The following VPS8 variants were observed in gnomAD, a reference collection of about 807,000 sequenced individuals.
VPS8 encodes vacuolar protein sorting-associated protein 8 homolog.
In VPS8, 129 loss-of-function variants were observed where a neutral mutation model predicts 216.4. The ratio of observed to expected loss-of-function variants is 0.60; its 90% confidence interval spans 0.52 to 0.69. VPS8 has a LOEUF of 0.69. Among genes scored for constraint, VPS8 ranks in the 30% least tolerant of loss-of-function variants. The pLI, the probability that VPS8 is intolerant of heterozygous loss-of-function variation, is 0.00. For missense variants in VPS8, 1,531 were observed against 1,683.5 expected, an observed-to-expected ratio of 0.91 and a Z score of 1.59; for synonymous variants, 571 against 565.4, an observed-to-expected ratio of 1.01 and a Z score of -0.14.
chr3:185,003,848 G>C (rs1205317160), intron 45 of VPS8, among the ~76,000 whole-genome samples: 2 of 151,666 alleles, frequency 1.3e-5, no homozygotes, highest in Non-Finnish European at 2.9e-5. Context: ...CAGACGGGGC[G>C]GCCGGGCAGA....
At chr3:184,882,359 TG>T in intron 21 of VPS8, 1 of 454,812 alleles carries the variant, frequency 2.2e-6, no homozygotes, top group Non-Finnish European at 4.4e-6. Context: ...GCTATTGGCA[TG>T]GCATATCGTA....
intron 22 of VPS8, among the ~76,000 whole-genome samples, chr3:184,892,932 G>A (rs1732645234): frequency 6.6e-6 from 1 of 152,028 alleles, no homozygotes; most frequent in Admixed American, 6.6e-5. Flanking sequence ...TGAATCATTG[G>A]TTATCTTGTT....
intron 46 of VPS8, among the ~76,000 whole-genome samples, chr3:185,026,807 C>G (rs1757433600): frequency 6.8e-6 from 1 of 147,716 alleles, no homozygotes; most frequent in Non-Finnish European, 1.5e-5. Context: ...CTCCTGGGTT[C>G]AAGCGATTCT....
chr3:184,974,121 C>A (rs1398290013), intron 40 of VPS8, among the ~76,000 whole-genome samples: 6 of 152,032 alleles, frequency 3.9e-5, no homozygotes, highest in Non-Finnish European at 8.8e-5. Flanking sequence ...TTCAGGAACC[C>A]CCATACTGTT....
intron 46 of VPS8, among the ~76,000 whole-genome samples, chr3:185,037,754 T>C (rs1243553979): frequency 6.6e-6 from 1 of 152,224 alleles, no homozygotes; most frequent in East Asian, 1.9e-4. Context: ...GCCTGTCTTG[T>C]GAATTTGTTT....
chr3:184,853,721 C>G (rs1386120721), intron 11 of VPS8, 136 bp from the exon 12 acceptor site: 7 of 817,230 alleles, frequency 8.6e-6, no homozygotes, highest in African/African-American at 1.7e-5. Flanking sequence ...AAAGACCATG[C>G]TGCTGTCCTG....
At chr3:184,848,966 G>A (rs375334802) in intron 8 of VPS8, 105 bp from the exon 9 acceptor site, 19 of 1,244,772 alleles carry the variant, frequency 1.5e-5, no homozygotes, top group East Asian at 1.5e-4. Context: ...ATTATCTGCT[G>A]CTTTTGATTC....
At chr3:184,830,544 A>G (rs1719770845) in intron 3 of VPS8, among the ~76,000 whole-genome samples, 1 of 152,078 alleles carries the variant, frequency 6.6e-6, no homozygotes, top group Non-Finnish European at 1.5e-5. Flanking sequence ...GATAATTGAT[A>G]CTTTTACTGT....
intron 5 of VPS8, among the ~76,000 whole-genome samples, chr3:184,837,140 AC>A (rs886417335): frequency 6.6e-6 from 1 of 152,044 alleles, no homozygotes; most frequent in African/African-American, 2.4e-5. Flanking sequence ...GACTTTTGAG[AC>A]CCACTACCCT....
intron 40 of VPS8, among the ~76,000 whole-genome samples, chr3:184,977,898 T>TC (rs1472308150): frequency 6.7e-6 from 1 of 150,350 alleles, no homozygotes; most frequent in Non-Finnish European, 1.5e-5. Context: ...TTTTTTTTTT[T>TC]TTATTGTGTC....
intron 46 of VPS8, among the ~76,000 whole-genome samples, chr3:185,025,474 A>G (rs1326837639): frequency 1.3e-5 from 2 of 152,234 alleles, no homozygotes; most frequent in African/African-American, 4.8e-5. Context: ...CAATGTTCCA[A>G]AAATGGGTCC....
chr3:184,840,914 G>A (rs1360553768), intron 7 of VPS8, among the ~76,000 whole-genome samples: 1 of 152,076 alleles, frequency 6.6e-6, no homozygotes, highest in African/African-American at 2.4e-5. Context: ...TTTCTGTGGG[G>A]CCTTGCATCC....
intron 44 of VPS8, among the ~76,000 whole-genome samples, chr3:184,999,325 C>T (rs2109897896): frequency 6.6e-6 from 1 of 152,354 alleles, no homozygotes; most frequent in East Asian, 1.9e-4. Context: ...TCCCAAAGTG[C>T]TGGGATTACA....
At chr3:184,982,686 A>G (rs765474012) in intron 41 of VPS8, 39 bp downstream of exon 41, 2 of 1,466,206 alleles carry the variant, frequency 1.4e-6, no homozygotes, top group Admixed American at 1.8e-5. Flanking sequence ...GTCCACCTGT[A>G]TCATCAGTCC....
chr3:184,963,572 A>G (rs1746900950), intron 37 of VPS8, among the ~76,000 whole-genome samples: 1 of 152,106 alleles, frequency 6.6e-6, no homozygotes, highest in Non-Finnish European at 1.5e-5. Context: ...GATTTTTATG[A>G]CAATAAGAAG....
At chr3:185,048,107 C>T (rs912621785) in intron 46 of VPS8, among the ~76,000 whole-genome samples, 3 of 152,126 alleles carry the variant, frequency 2.0e-5, no homozygotes, top group Admixed American at 6.5e-5. Context: ...CAGAGAAAAG[C>T]GGTATCTTTG....
intron 10 of VPS8, 121 bp from the exon 11 acceptor site, chr3:184,852,379 T>C: frequency 1.3e-6 from 1 of 752,800 alleles, no homozygotes; most frequent in Non-Finnish European, 2.1e-6. Flanking sequence ...GAATCTAGTT[T>C]AGGTTATTTC....
At chr3:184,927,292 T>A (rs1038787369) in intron 31 of VPS8, among the ~76,000 whole-genome samples, 1 of 152,138 alleles carries the variant, frequency 6.6e-6, no homozygotes, top group African/African-American at 2.4e-5. Context: ...ACTACTAAAA[T>A]TAAGTACCAT....
intron 5 of VPS8, 88 bp downstream of exon 5, chr3:184,834,830 T>G: frequency 1.9e-6 from 2 of 1,034,056 alleles, no homozygotes; most frequent in Non-Finnish European, 2.8e-6. Flanking sequence ...ACAGCACTTC[T>G]CTTGGCCCGA....
Sources: allele counts gnomAD v4.1 joint callset (sites outside exome capture counted in the v4.1 genomes callset), GRCh38; gene constraint gnomAD v4.1.1; transcripts MANE v1.5; gene names NCBI Gene and HGNC (gene_info 2026-07-23, HGNC 2026-07-21).